The following IMMP2L variants were observed in gnomAD, a reference collection of about 807,000 sequenced individuals.
The protein encoded by IMMP2L is inner mitochondrial membrane peptidase subunit 2, also known as mitochondrial inner membrane protease subunit 2.
A neutral mutation model predicts 19.3 loss-of-function variants in IMMP2L; 18 were observed. The ratio of observed to expected loss-of-function variants is 0.93; its 90% CI spans 0.64 to 1.38. The LOEUF is 1.38. Among genes scored for constraint, IMMP2L ranks in the 40% most tolerant of loss-of-function variants. The probability of loss-of-function intolerance (pLI) is 0.00; values close to 1 mark genes in which losing one functional copy is unlikely to be tolerated. For synonymous variants in IMMP2L, 76 were observed against 73.0 expected, an observed-to-expected ratio of 1.04 and a Z score of -0.21; for missense variants, 233 against 218.2, an observed-to-expected ratio of 1.07 and a Z score of -0.43.
intron 5 of IMMP2L, among the ~76,000 whole-genome samples, chr7:110,687,583 T>C (rs1793204546): frequency 6.6e-6 from 1 of 152,142 alleles, no homozygotes; most frequent in Non-Finnish European, 1.5e-5. Flanking sequence ...TATGAATTAA[T>C]TTTGGCATTA....
At position 111,318,095 on chromosome 7, in the gene IMMP2L, T is replaced by TATC. The variant is rs562208309; in HGVS notation, c.239+169142_239+169143insGAT. Among the ~76,000 whole-genome samples the TATC allele has an allele frequency of 5.0e-3, 763 of 152,284 alleles. 13 individuals carry two copies. The highest frequency in any genetic ancestry group is 5.3e-3 in the Non-Finnish European group (359 of 68,028). ...TATATTTATCCAAGCCATGAAGGAT[T>TATC]AGGGAAGTAAAAACTACACTAGCTT... On this transcript the variant is annotated intron_variant, in intron 3 of 5. Coordinates refer to ENST00000405709, the MANE Select transcript of IMMP2L (RefSeq NM_032549.4).
chr7:110,700,300 C>CA (rs983113705), intron 5 of IMMP2L, among the ~76,000 whole-genome samples: 4 of 152,152 alleles, frequency 2.6e-5, no homozygotes, highest in African/African-American at 9.7e-5. Flanking sequence ...TAATTGAAGC[C>CA]ATTCTGAATC....
chr7:110,971,392 G>A (rs919221406), intron 3 of IMMP2L, among the ~76,000 whole-genome samples: 2 of 152,044 alleles, frequency 1.3e-5, no homozygotes, highest in African/African-American at 4.8e-5. Context: ...GGATGGGAAC[G>A]GAGACACTTC....
At chr7:111,102,687 C>T (rs1325268091) in intron 3 of IMMP2L, among the ~76,000 whole-genome samples, 1 of 151,310 alleles carries the variant, frequency 6.6e-6, no homozygotes, top group African/African-American at 2.4e-5. Context: ...AGTTTCATAC[C>T]TATCTAAAAA....
chr7:110,840,837 A>G (rs546377755), intron 5 of IMMP2L, among the ~76,000 whole-genome samples: 2 of 152,174 alleles, frequency 1.3e-5, no homozygotes, highest in East Asian at 3.9e-4. Flanking sequence ...TCTATATACA[A>G]ACTCTCAAGT....
intron 3 of IMMP2L, among the ~76,000 whole-genome samples, chr7:111,013,954 T>G (rs1825234409): frequency 6.6e-6 from 1 of 151,844 alleles, no homozygotes; most frequent in South Asian, 2.1e-4. Context: ...GACCTAGGGG[T>G]CAAGTCAGGA....
At chr7:111,168,277 TTC>T (rs934511418) in intron 3 of IMMP2L, among the ~76,000 whole-genome samples, 53 of 151,810 alleles carry the variant, frequency 3.5e-4, no homozygotes, top group Non-Finnish European at 7.1e-4. Flanking sequence ...GGGCTTTAAG[TTC>T]TGTTTTTTTT....
intron 3 of IMMP2L, among the ~76,000 whole-genome samples, chr7:111,007,677 G>A (rs1015731303): frequency 1.3e-5 from 2 of 151,920 alleles, no homozygotes; most frequent in African/African-American, 4.8e-5. Flanking sequence ...AGACATGTAT[G>A]TACACATATA....
intron 3 of IMMP2L, among the ~76,000 whole-genome samples, chr7:111,064,848 G>A (rs925907466): frequency 1.3e-5 from 2 of 152,182 alleles, no homozygotes; most frequent in Non-Finnish European, 2.9e-5. Flanking sequence ...ACGAGGAAGA[G>A]TAGGCATGGA....
intron 5 of IMMP2L, among the ~76,000 whole-genome samples, chr7:110,726,664 GA>G (rs1584626128): frequency 1.3e-5 from 2 of 152,170 alleles, no homozygotes; most frequent in East Asian, 3.9e-4. Context: ...TCAGCGTGGG[GA>G]AAGAAACTTC....
intron 3 of IMMP2L, among the ~76,000 whole-genome samples, chr7:111,337,284 G>T (rs1378299852): frequency 6.6e-6 from 1 of 151,930 alleles, no homozygotes; most frequent in Non-Finnish European, 1.5e-5. Context: ...ATATTGATTT[G>T]CCTATCTTTT....
intron 3 of IMMP2L, among the ~76,000 whole-genome samples, chr7:111,485,300 C>CCGGCT (rs1842536299): frequency 1.3e-5 from 2 of 151,634 alleles, no homozygotes; most frequent in African/African-American, 4.8e-5. Context: ...ATAACTGAGT[C>CCGGCT]ATTAAAAACA....
chr7:110,812,134 A>C (rs1802085576), intron 5 of IMMP2L, among the ~76,000 whole-genome samples: 1 of 152,062 alleles, frequency 6.6e-6, no homozygotes, highest in Admixed American at 6.6e-5. Flanking sequence ...GTAGTTTCTA[A>C]ATAGAGTGGT....
At chr7:110,855,188 A>T (rs1806633997) in intron 5 of IMMP2L, among the ~76,000 whole-genome samples, 1 of 151,928 alleles carries the variant, frequency 6.6e-6, no homozygotes, top group South Asian at 2.1e-4. Flanking sequence ...AATGATTGCT[A>T]AGCTTTCTGA....
At chr7:111,086,028 T>C (rs1169233432) in intron 3 of IMMP2L, among the ~76,000 whole-genome samples, 2 of 152,072 alleles carry the variant, frequency 1.3e-5, no homozygotes, top group African/African-American at 4.8e-5. Context: ...CTAGGGTTAA[T>C]ATGTGAGTGA....
intron 5 of IMMP2L, among the ~76,000 whole-genome samples, chr7:110,874,825 T>C (rs919904089): frequency 1.3e-5 from 2 of 152,088 alleles, no homozygotes; most frequent in Non-Finnish European, 2.9e-5. Flanking sequence ...CTTTAGAGAC[T>C]GGGAAGTCCA....
intron 3 of IMMP2L, among the ~76,000 whole-genome samples, chr7:111,242,768 AAG>A (rs779980526): frequency 6.6e-6 from 1 of 152,024 alleles, no homozygotes; most frequent in Non-Finnish European, 1.5e-5. Flanking sequence ...ATGATTAAAA[AAG>A]AGAAATTCTG....
rs563785858 is a variant in IMMP2L at position 111,308,293 on chromosome 7, A to G, written c.239+178945T>C. Among the ~76,000 whole-genome samples the G allele has an allele frequency of 8.4e-4, 128 of 152,118 alleles. 1 individual carries two copies. In the South Asian group the frequency reaches 0.023, roughly 27 times the overall value. On this transcript the variant is annotated intron_variant, in intron 3 of 5. Transcript: ENST00000405709. ...AAAGCTAAATAAATATATAAGGGTA[A>G]ACAAATAAAATCTAAAGGTAAAGTT...
chr7:111,456,530 T>C (rs1474496784), intron 3 of IMMP2L, among the ~76,000 whole-genome samples: 1 of 152,182 alleles, frequency 6.6e-6, no homozygotes, highest in Non-Finnish European at 1.5e-5. Flanking sequence ...CAAAAGTCTC[T>C]CTTGAACACT....
Sources: allele counts gnomAD v4.1 joint callset (sites outside exome capture counted in the v4.1 genomes callset), GRCh38; gene constraint gnomAD v4.1.1; transcripts MANE v1.5; gene names NCBI Gene and HGNC (gene_info 2026-07-23, HGNC 2026-07-21).